The following CELF2 variants were observed in gnomAD, a reference collection of about 807,000 sequenced individuals.
CELF2 encodes CUG triplet repeat RNA-binding protein 2.
CELF2 carries 8 observed loss-of-function variants against 62.6 expected under a neutral mutation model. That is an observed-to-expected ratio of 0.13 (90% confidence interval 0.07 to 0.23). The LOEUF (loss-of-function observed/expected upper bound fraction) is 0.23. Among genes scored for constraint, CELF2 ranks in the 10% least tolerant of loss-of-function variants. The pLI, the probability that CELF2 is intolerant of heterozygous loss-of-function variation, is 1.00. For synonymous variants in CELF2, 258 were observed against 250.0 expected (o/e 1.03, Z -0.30); for missense variants, 333 against 671.0 (o/e 0.50, Z 5.56).
chr10:10,571,848 A>G, the CELF2 span, among the ~76,000 whole-genome samples: 1 of 152,144 alleles, frequency 6.6e-6, no homozygotes, highest in East Asian at 1.9e-4. Context: ...ATTTCTCAGG[A>G]TGAGATGAGC....
intron 2 of CELF2, among the ~76,000 whole-genome samples, chr10:11,202,757 A>G (rs2059497724): frequency 6.6e-6 from 1 of 152,118 alleles, no homozygotes; most frequent in African/African-American, 2.4e-5. Flanking sequence ...TGGTGGGAGA[A>G]TATTATTATC....
In CELF2 at chr10:11,270,591, T is replaced by G; in HGVS notation, c.619-75T>G. The stretch of plus-strand genomic sequence containing the variant: ...CTCCAGGCTAGTGCAGAAAGGTAGC[T>G]CCGGTGCTGAGTGTCGTGAGCGGAT... On this transcript the variant is annotated intron_variant, in intron 6 of 12. Transcript: ENST00000633077. The surrounding 1 kb of genome is among the most constrained non-coding windows in gnomAD (Gnocchi z 5.8). The G allele has an allele frequency of 7.7e-7, 1 of 1,290,684 alleles. No homozygotes were observed. Among genetic ancestry groups the G allele is most frequent in the South Asian group, 2.3e-5 (1 of 42,820 alleles). 80.0% of individuals were successfully genotyped at this position (1,290,684 alleles called of 1,614,324 possible).
At chr10:11,281,495 C>T (rs1348761665) in intron 8 of CELF2, among the ~76,000 whole-genome samples, 2 of 152,172 alleles carry the variant, frequency 1.3e-5, no homozygotes, top group Non-Finnish European at 2.9e-5. Context: ...TGTGGCGGCT[C>T]ACACTTGTAG....
At chr10:10,794,240 C>T (rs1428146673), upstream of CELF2, among the ~76,000 whole-genome samples, 1 of 152,026 alleles carries the variant, frequency 6.6e-6, no homozygotes, top group Non-Finnish European at 1.5e-5. Flanking sequence ...TTAACAAGAT[C>T]GGGAAATCTT....
At chr10:11,139,481 A>G (rs1233092889) in intron 1 of CELF2, among the ~76,000 whole-genome samples, 1 of 152,158 alleles carries the variant, frequency 6.6e-6, no homozygotes, top group East Asian at 1.9e-4. Flanking sequence ...TTGCATTATT[A>G]TTTATGGTAT....
chr10:10,995,015 G>A lies in CELF2; in HGVS notation c.89+75016G>A, dbSNP rs76443880. Among the ~76,000 whole-genome samples the A allele has an allele frequency of 3.9e-3, 597 of 152,246 alleles. 1 individual carries two copies. The highest frequency in any genetic ancestry group is 0.025 in the East Asian group (127 of 5,162). ...AAAGTCTCCCTGGTGATTCCAGCGC[G>A]CTCTTATCACCTGCCCTTCCTTGGA... On this transcript the variant is annotated intron_variant, in intron 2 of 13. Coordinates refer to the CELF2 transcript ENST00000636488. This position sits in a 1 kb window ranked among gnomAD's most constrained non-coding sequence, Gnocchi z 4.7.
At chr10:11,109,095 T>C (rs2054434949) in intron 1 of CELF2, among the ~76,000 whole-genome samples, 1 of 152,210 alleles carries the variant, frequency 6.6e-6, no homozygotes, top group Non-Finnish European at 1.5e-5. Context: ...TTAATTCTGT[T>C]AGCTGCATTA....
At chr10:11,055,367 T>A (rs2064993319) in intron 1 of CELF2, among the ~76,000 whole-genome samples, 1 of 152,202 alleles carries the variant, frequency 6.6e-6, no homozygotes, top group Non-Finnish European at 1.5e-5. Context: ...ATGAACAGGA[T>A]CAGATTCCTG....
chr10:11,100,324 T>A (rs1340238472), intron 1 of CELF2, among the ~76,000 whole-genome samples: 2 of 152,078 alleles, frequency 1.3e-5, no homozygotes, highest in Non-Finnish European at 2.9e-5. Flanking sequence ...TTGTAGAAAA[T>A]CCTCTTGGCC....
At chr10:11,184,477 C>G (rs2074304960) in intron 2 of CELF2, among the ~76,000 whole-genome samples, 1 of 152,132 alleles carries the variant, frequency 6.6e-6, no homozygotes, top group African/African-American at 2.4e-5. Context: ...TGGATCTGTT[C>G]ATCAATTGGG....
intron 1 of CELF2, among the ~76,000 whole-genome samples, chr10:11,090,207 G>A (rs1166706034): frequency 6.6e-6 from 1 of 151,690 alleles, no homozygotes; most frequent in Admixed American, 6.6e-5. Context: ...AAAAAAAGTA[G>A]GCCTAGGGAG....
chr10:11,282,512 C>T (rs771439997), intron 8 of CELF2, among the ~76,000 whole-genome samples: 4 of 152,232 alleles, frequency 2.6e-5, no homozygotes, highest in African/African-American at 4.8e-5. Context: ...GCTTGCCTGG[C>T]ACGCGCTTTG....
intron 1 of CELF2, among the ~76,000 whole-genome samples, chr10:10,855,836 C>T (rs1298003457): frequency 6.6e-6 from 1 of 152,088 alleles, no homozygotes; most frequent in East Asian, 1.9e-4. Flanking sequence ...TTGTAACCTT[C>T]CAGCATGTAG....
At chr10:11,115,720 A>T (rs543628775) in intron 1 of CELF2, among the ~76,000 whole-genome samples, 34 of 152,348 alleles carry the variant, frequency 2.2e-4, no homozygotes, top group Non-Finnish European at 4.1e-4. Context: ...CAATAGACCT[A>T]AGAAGCAAAA....
rs200449012 is a variant in CELF2, at chr10:11,268,710, A to T, written c.619-1956A>T. On this transcript the variant is annotated intron_variant, in intron 6 of 12. Coordinates refer to ENST00000633077, the MANE Select transcript of CELF2 (RefSeq NM_001326342.2). The surrounding 1 kb of genome is among the most constrained non-coding windows in gnomAD (Gnocchi z 4.7). ...AATTTCTTGTTTGGTTTTTTTTTTA[A>T]TTGGCATTTAAATAGGAGGTTATAT... Among the ~76,000 whole-genome samples the T allele has an allele frequency of 3.3e-5, 5 of 150,842 alleles. No individual in the cohort carries two copies. The highest frequency in any genetic ancestry group is 1.2e-4 in the African/African-American group (5 of 41,020).
chr10:10,514,225 A>G, the CELF2 span, among the ~76,000 whole-genome samples: 1 of 152,242 alleles, frequency 6.6e-6, no homozygotes, highest in African/African-American at 2.4e-5. Context: ...CTCAGTTTGG[A>G]ATATTATAAG....
At chr10:10,792,258 A>G in the CELF2 span, 4 of 396,448 alleles carry the variant, frequency 1.0e-5, no homozygotes, top group Admixed American at 1.3e-4. Flanking sequence ...AATTACATTA[A>G]CAAGTTAGTT....
chr10:11,023,349 C>T (rs905931400), intron 1 of CELF2, among the ~76,000 whole-genome samples: 22 of 152,170 alleles, frequency 1.4e-4, no homozygotes, highest in African/African-American at 5.3e-4. Flanking sequence ...TTTATTTTTC[C>T]TTAAGAAACA....
chr10:10,714,898 T>A, the CELF2 span, among the ~76,000 whole-genome samples: 2 of 152,292 alleles, frequency 1.3e-5, no homozygotes, highest in East Asian at 3.9e-4. Flanking sequence ...AAATCTGACT[T>A]ATTGGAAATA....
Sources: allele counts gnomAD v4.1 joint callset (sites outside exome capture counted in the v4.1 genomes callset), GRCh38; gene constraint gnomAD v4.1.1; non-coding constraint Gnocchi (gnomAD v3.1); transcripts MANE v1.5; gene names NCBI Gene and HGNC (gene_info 2026-07-23, HGNC 2026-07-21).